JOSD1: variants seen among roughly 807,000 people sequenced by gnomAD.
JOSD1 encodes the protein josephin-1.
In JOSD1, 11 loss-of-function variants were observed where a neutral mutation model predicts 24.3. That is an observed-to-expected ratio of 0.45 (90% CI 0.29 to 0.75). The LOEUF (loss-of-function observed/expected upper bound fraction) is 0.75, where lower values mean the gene tolerates loss of function less well. Ranked by LOEUF, JOSD1 falls within the 30% of genes least tolerant of loss-of-function variation. The probability of loss-of-function intolerance (pLI) is 0.11; values close to 1 mark genes in which losing one functional copy is unlikely to be tolerated. For synonymous variants in JOSD1, 106 were observed against 93.8 expected, an observed-to-expected ratio of 1.13 and a Z score of -0.75; for missense variants, 184 against 253.5, an observed-to-expected ratio of 0.73 and a Z score of 1.86.
chr22:38,693,522 C>T (rs1179878033), intron 2 of JOSD1, among the ~76,000 whole-genome samples: 1 of 152,212 alleles, frequency 6.6e-6, no homozygotes, highest in Non-Finnish European at 1.5e-5. Context: ...TCTACACTTC[C>T]TGGCCCCACT....
At chr22:38,699,539 T>A (rs1014053619) in intron 2 of JOSD1, among the ~76,000 whole-genome samples, 4 of 152,196 alleles carry the variant, frequency 2.6e-5, no homozygotes, top group Non-Finnish European at 5.9e-5. Flanking sequence ...AAAATGGAAA[T>A]AACATCACAT....
At chr22:38,692,781 C>CAAAAAA (rs61214432) in intron 2 of JOSD1, among the ~76,000 whole-genome samples, 13 of 44,984 alleles carry the variant, frequency 2.9e-4, no homozygotes, top group African/African-American at 5.4e-4. Flanking sequence ...AACTCTGTCT[C>CAAAAAA]AAAAAAAAAA....
In JOSD1 at chr22:38,700,225, T is replaced by G; in HGVS notation, c.-238A>C. 8.3e-7 allele frequency: 1 copy of G among 1,203,382 alleles called. No individual in the cohort carries two copies. Among genetic ancestry groups the G allele is most frequent in the Non-Finnish European group, 1.0e-6 (1 of 967,646 alleles). 74.5% of individuals were successfully genotyped at this position (1,203,382 alleles called of 1,614,324 possible). The stretch of plus-strand genomic sequence containing the variant: ...TGGATTACTTTTATTTTGCTACCAC[T>G]GTCAAAGTGCAGAATTTAAAAAAAC... On this transcript the variant is annotated 5_prime_UTR_variant, in exon 2 of 5. Transcript: ENST00000683374.
At chr22:38,696,223 T>C (rs1009329559) in intron 2 of JOSD1, among the ~76,000 whole-genome samples, 12 of 151,766 alleles carry the variant, frequency 7.9e-5, no homozygotes, top group African/African-American at 2.9e-4. Context: ...ACCCTTTTTT[T>C]CAAACCTTAT....
At chr22:38,696,179 A>G (rs2092545238) in intron 2 of JOSD1, among the ~76,000 whole-genome samples, 1 of 152,158 alleles carries the variant, frequency 6.6e-6, no homozygotes, top group Non-Finnish European at 1.5e-5. Flanking sequence ...AAAACCACCT[A>G]GCAAAGCTGC....
chr22:38,695,401 T>C (rs979165304), intron 2 of JOSD1, among the ~76,000 whole-genome samples: 1 of 151,970 alleles, frequency 6.6e-6, no homozygotes, highest in Admixed American at 6.6e-5. Flanking sequence ...CTTCCAACTT[T>C]CATTAGATTT....
chr22:38,700,658 C>A, intron 1 of JOSD1, 40 bp from the exon 2 acceptor site: 1 of 982,568 alleles, frequency 1.0e-6, no homozygotes, highest in Non-Finnish European at 1.2e-6. Flanking sequence ...GGCGAGCGGG[C>A]GCGGGAAGTG....
At chr22:38,693,661 C>A (rs1260347412) in intron 2 of JOSD1, among the ~76,000 whole-genome samples, 2 of 152,126 alleles carry the variant, frequency 1.3e-5, no homozygotes, top group East Asian at 3.9e-4. Flanking sequence ...CTCACTGTAG[C>A]CCCAAACTCC....
At chr22:38,697,280 C>T (rs1481843511) in intron 2 of JOSD1, among the ~76,000 whole-genome samples, 3 of 152,218 alleles carry the variant, frequency 2.0e-5, no homozygotes, top group Admixed American at 2.0e-4. Context: ...CCTACTCATA[C>T]ATTCTTTCAA....
Position 38,700,612 on chromosome 22 carries a change from C to G in JOSD1, c.-625G>C, listed in dbSNP as rs1336268526. 1.0e-6 allele frequency: 1 copy of G among 985,194 alleles called. No homozygotes were observed. Among genetic ancestry groups the G allele is most frequent in the Non-Finnish European group, 1.2e-6 (1 of 829,754 alleles). 61.0% of individuals were successfully genotyped at this position (985,194 alleles called of 1,614,324 possible). On this transcript the variant is annotated 5_prime_UTR_variant, in exon 2 of 5. Transcript: ENST00000683374. ...AAGGCGCGGATTCTAGCCCTCTGGC[C>G]GCGGCCCTGCGGAGGAGGAGACAAC...
At position 38,700,332 on chromosome 22, in the gene JOSD1, T is replaced by G; in HGVS notation, c.-345A>C. 1 of 1,015,624 alleles carries G rather than the reference T, an allele frequency of 9.8e-7. No homozygotes were observed. The highest frequency in any genetic ancestry group is 1.2e-6 in the Non-Finnish European group (1 of 848,018). 62.9% of individuals were successfully genotyped at this position (1,015,624 alleles called of 1,614,324 possible). On this transcript the variant is annotated 5_prime_UTR_variant, in exon 2 of 5. Coordinates refer to ENST00000683374, the MANE Select transcript of JOSD1 (RefSeq NM_001360236.2). ...AAAATCCCCACGATTTTCTTGCTGT[T>G]TCCCTCTGCAAATGCCAGGCCTCAA...
chr22:38,697,483 T>C (rs1336031613), intron 2 of JOSD1, among the ~76,000 whole-genome samples: 1 of 152,260 alleles, frequency 6.6e-6, no homozygotes, highest in African/African-American at 2.4e-5. Context: ...TTTAGCATTC[T>C]TGTATTCAGG....
Position 38,700,175 on chromosome 22 carries a change from CTCT to C in JOSD1, c.-191_-189del, listed in dbSNP as rs991674882. 19 of 1,306,654 alleles carry C rather than the reference CTCT, an allele frequency of 1.5e-5. No individual in the cohort carries two copies. Among genetic ancestry groups the C allele is most frequent in the Non-Finnish European group, 1.7e-5 (18 of 1,028,708 alleles). 80.9% of individuals were successfully genotyped at this position (1,306,654 alleles called of 1,614,324 possible). ...GAAAAAAATAAAACCCACCTCTTCTCTCTTCTCAATAGAAAAATAACTTTTGGA... is the reference window on the plus strand; with the variant it reads ...GAAAAAAATAAAACCCACCTCTTCTCTCTCAATAGAAAAATAACTTTTGGA... On this transcript the variant is annotated 5_prime_UTR_variant, in exon 2 of 5. Coordinates refer to ENST00000683374, the MANE Select transcript of JOSD1 (RefSeq NM_001360236.2).
chr22:38,690,169 G>C (rs1334389490), intron 2 of JOSD1, among the ~76,000 whole-genome samples: 1 of 151,990 alleles, frequency 6.6e-6, no homozygotes, highest in Non-Finnish European at 1.5e-5. Context: ...CAGGAGCTGG[G>C]GAAAGGCCAT....
Position 38,696,427 on chromosome 22 carries a change from A to G in JOSD1, c.185+3376T>C, listed in dbSNP as rs115470713. ...AATTTTTGTTTTTTTTAATAGAGAC[A>G]TGGTTTTGCTATATGTTGGCCAGGC... On this transcript the variant is annotated intron_variant, in intron 2 of 4. Coordinates refer to ENST00000683374, the MANE Select transcript of JOSD1 (RefSeq NM_001360236.2). Among the ~76,000 whole-genome samples, 677 of 151,910 alleles carry G rather than the reference A, an allele frequency of 4.5e-3. 6 individuals are homozygous for G. Among genetic ancestry groups the G allele is most frequent in the African/African-American group, 0.016 (658 of 41,414 alleles).
At chr22:38,698,222 A>AT (rs1002453645) in intron 2 of JOSD1, among the ~76,000 whole-genome samples, 1 of 152,158 alleles carries the variant, frequency 6.6e-6, no homozygotes, top group African/African-American at 2.4e-5. Context: ...GAGACGAATT[A>AT]TTTTATCTCC....
Position 38,688,007 on chromosome 22 carries a change from G to A in JOSD1, c.510-6C>T. On this transcript the variant is annotated splice_region_variant and splice_polypyrimidine_tract_variant and intron_variant, in intron 4 of 4. Transcript: ENST00000683374. ...AATGATGTTTTAGAAACTTCCTATG[G>A]AAAAAGAGATAGAGAAAATGAAATG... is the stretch of plus-strand genomic sequence containing the variant. The A allele has an allele frequency of 6.2e-7, 1 of 1,601,334 alleles. No individual in the cohort carries two copies. The highest frequency in any genetic ancestry group is 8.6e-7 in the Non-Finnish European group (1 of 1,168,604).
At chr22:38,692,682 G>A (rs1285457249) in intron 2 of JOSD1, among the ~76,000 whole-genome samples, 1 of 150,338 alleles carries the variant, frequency 6.7e-6, no homozygotes, top group Non-Finnish European at 1.5e-5. Flanking sequence ...TCGGGAGGCT[G>A]AGGCAGGAGG....
intron 4 of JOSD1, 111 bp from the exon 5 acceptor site, chr22:38,688,112 C>A (rs1357997872): frequency 2.9e-6 from 2 of 699,546 alleles, no homozygotes; most frequent in Non-Finnish European, 5.1e-6. Flanking sequence ...CAAAACACAT[C>A]CCTGTAGTCA....
Sources: allele counts gnomAD v4.1 joint callset (sites outside exome capture counted in the v4.1 genomes callset), GRCh38; gene constraint gnomAD v4.1.1; transcripts MANE v1.5; gene names NCBI Gene and HGNC (gene_info 2026-07-23, HGNC 2026-07-21).